Variants in RDX observed in about 807,000 individuals in gnomAD.
RDX encodes radixin.
A neutral mutation model predicts 83.7 loss-of-function variants in RDX; 32 were observed. That is an observed-to-expected ratio of 0.38 (90% confidence interval 0.29 to 0.51). RDX has a LOEUF of 0.51. Ranked by LOEUF, RDX falls within the 20% of genes least tolerant of loss-of-function variation. The probability of loss-of-function intolerance (pLI) is 0.87; values close to 1 mark genes in which losing one functional copy is unlikely to be tolerated. For synonymous variants in RDX, 229 were observed against 222.7 expected (o/e 1.03, Z -0.25); for missense variants, 600 against 689.9 (o/e 0.87, Z 1.46).
intron 8 of RDX, among the ~76,000 whole-genome samples, 184 bp downstream of exon 8, chr11:110,255,105 T>A (rs1038263468): frequency 5.9e-5 from 9 of 152,158 alleles, no homozygotes; most frequent in African/African-American, 2.2e-4. Context: ...CATCTTACTT[T>A]AAAAAATTAA....
chr11:110,228,120 A>G (rs1565302467), downstream of RDX, among the ~76,000 whole-genome samples: 3 of 152,220 alleles, frequency 2.0e-5, no homozygotes, highest in East Asian at 5.8e-4. Flanking sequence ...AAGTAGGTCT[A>G]CTAAGGAAAA....
intron 14 of RDX, among the ~76,000 whole-genome samples, chr11:110,219,253 A>T (rs1034468384): frequency 2.0e-5 from 3 of 152,166 alleles, no homozygotes; most frequent in African/African-American, 7.2e-5. Context: ...GGCTGCTTTA[A>T]AGAATAACAA....
intron 15 of RDX, among the ~76,000 whole-genome samples, chr11:110,177,081 C>T (rs540654439): frequency 4.8e-4 from 73 of 152,338 alleles, no homozygotes; most frequent in African/African-American, 1.7e-3. Flanking sequence ...AACACATTTC[C>T]AGAGACATCG....
chr11:110,295,845 G>A (rs991100932), intron 1 of RDX, among the ~76,000 whole-genome samples: 3 of 152,222 alleles, frequency 2.0e-5, no homozygotes, highest in African/African-American at 7.2e-5. Flanking sequence ...AGCTGCGGCC[G>A]GGAACCGCGG....
chr11:110,231,600 G>GAAA lies in RDX; in HGVS notation c.*266_*268dup. ...TGATAATTAGTGTTAATCTTCAACA[G>GAAA]AAAAAAAAAAGAAAAAGAAAAAAAA... On this transcript the variant is annotated 3_prime_UTR_variant, in exon 14 of 14. Transcript: ENST00000645495. 1 of 420,144 alleles carries GAAA rather than the reference G, an allele frequency of 2.4e-6. No homozygotes were observed. Among genetic ancestry groups the GAAA allele is most frequent in the Non-Finnish European group, 4.3e-6 (1 of 232,118 alleles). The allele number at this position is 420,144 out of a possible 1,614,324, so 26.0% of individuals were successfully genotyped here. A position where few individuals can be genotyped will look rare whatever the true frequency, so the allele number is the denominator to read the frequency against.
intron 15 of RDX, among the ~76,000 whole-genome samples, chr11:110,190,983 T>C (rs955877785): frequency 1.3e-5 from 2 of 152,192 alleles, no homozygotes; most frequent in Non-Finnish European, 2.9e-5. Context: ...CTAGACCAGA[T>C]GGATTCACAG....
intron 7 of RDX, among the ~76,000 whole-genome samples, chr11:110,255,998 CTT>C (rs1051877502): frequency 1.3e-5 from 2 of 152,100 alleles, no homozygotes; most frequent in Non-Finnish European, 2.9e-5. Flanking sequence ...AATTCAAACT[CTT>C]GAGACTATAC....
At chr11:110,282,117 T>C (rs964473760) in intron 1 of RDX, among the ~76,000 whole-genome samples, 3 of 151,988 alleles carry the variant, frequency 2.0e-5, no homozygotes, top group Admixed American at 2.0e-4. Flanking sequence ...AAATGACCTA[T>C]AACCTATTGG....
In RDX at chr11:110,289,979, A is replaced by AAAAAAAAAAAAAAC. The variant is rs1555049799; in HGVS notation, c.-65+6487_-65+6488insGTTTTTTTTTTTTT. On this transcript the variant is annotated intron_variant, in intron 1 of 13. Coordinates refer to ENST00000645495, the MANE Select transcript of RDX (RefSeq NM_002906.4). ...CTCAAAAAAAAAAAAAAAAAAAAAA[A>AAAAAAAAAAAAAAC]AAACAAGGGTCCTTACGTTGCATTA... is the stretch of plus-strand genomic sequence containing the variant. Among the ~76,000 whole-genome samples, 59 of 144,702 alleles carry AAAAAAAAAAAAAAC rather than the reference A, an allele frequency of 4.1e-4. 2 individuals carry two copies. The highest frequency in any genetic ancestry group is 1.6e-3 in the African/African-American group (58 of 36,860). The allele number at this position is 144,702 out of a possible 152,430, so 94.9% of individuals were successfully genotyped here.
At chr11:110,284,713 CG>C (rs986933685) in intron 1 of RDX, among the ~76,000 whole-genome samples, 2 of 151,668 alleles carry the variant, frequency 1.3e-5, no homozygotes, top group Non-Finnish European at 2.9e-5. Context: ...TTAGTAGAGA[CG>C]GGGTTTCACC....
chr11:110,237,438 G>T, intron 11 of RDX, 54 bp downstream of exon 11: 11 of 1,553,476 alleles, frequency 7.1e-6, no homozygotes, highest in Non-Finnish European at 9.7e-6. Flanking sequence ...TTTTTTAGAG[G>T]GTTCACTCTA....
intron 2 of RDX, chr11:110,272,963 A>C: frequency 2.2e-6 from 1 of 458,746 alleles, no homozygotes; most frequent in South Asian, 1.5e-5. Flanking sequence ...ATGGTGCCTC[A>C]CATCTTTAGT....
At chr11:110,175,876 G>C (rs997354905) in intron 15 of RDX, among the ~76,000 whole-genome samples, 2 of 152,208 alleles carry the variant, frequency 1.3e-5, no homozygotes, top group Non-Finnish European at 2.9e-5. Context: ...TTGTGCCATA[G>C]TGAATGCAAT....
chr11:110,260,772 C>T (rs577860003), intron 5 of RDX, among the ~76,000 whole-genome samples: 65 of 152,298 alleles, frequency 4.3e-4, no homozygotes, highest in African/African-American at 1.4e-3. Flanking sequence ...AACCTATGCA[C>T]ATCCTCTTGT....
At chr11:110,187,105 C>T (rs73553547) in intron 15 of RDX, among the ~76,000 whole-genome samples, 8,844 of 152,226 alleles carry the variant, frequency 0.058, 862 homozygotes, top group African/African-American at 0.2. Flanking sequence ...ACCCTGGAAC[C>T]GTCTGCATGT....
chr11:110,235,907 G>A (rs948976865), intron 12 of RDX, among the ~76,000 whole-genome samples, 192 bp downstream of exon 12: 5 of 152,174 alleles, frequency 3.3e-5, no homozygotes, highest in Admixed American at 6.5e-5. Flanking sequence ...TGGTCCCCCA[G>A]AAATTAATCA....
intron 10 of RDX, among the ~76,000 whole-genome samples, chr11:110,242,726 C>T (rs891773146): frequency 2.6e-5 from 4 of 152,148 alleles, no homozygotes; most frequent in Admixed American, 2.6e-4. Flanking sequence ...AACATCAGGT[C>T]TACTCCAGTC....
At chr11:110,224,518 T>C (rs1405993615), downstream of RDX, among the ~76,000 whole-genome samples, 1 of 152,168 alleles carries the variant, frequency 6.6e-6, no homozygotes, top group Non-Finnish European at 1.5e-5. Flanking sequence ...AAATCAGTTA[T>C]AAAAGCTAGA....
intron 15 of RDX, among the ~76,000 whole-genome samples, chr11:110,175,760 T>C (rs945444018): frequency 2.6e-5 from 4 of 152,234 alleles, no homozygotes; most frequent in African/African-American, 9.6e-5. Flanking sequence ...TTGAGGGAGA[T>C]GGCAAATACA....
Sources: gnomAD v4.1 joint callset for allele counts (sites outside exome capture counted in the v4.1 genomes callset) on GRCh38, gnomAD v4.1.1 for gene constraint, MANE v1.5 for transcripts, NCBI Gene and HGNC (gene_info 2026-07-23, HGNC 2026-07-21) for gene names.